The following HDAC4 variants were observed in gnomAD, a reference collection of about 807,000 sequenced individuals.
HDAC4 encodes the protein histone deacetylase 4.
In HDAC4, 16 loss-of-function variants were observed where a neutral mutation model predicts 135.1. The ratio of observed to expected loss-of-function variants is 0.12; its 90% CI spans 0.08 to 0.18. The LOEUF (loss-of-function observed/expected upper bound fraction) is 0.18. HDAC4 is among the 10% of genes least tolerant of loss of function. The probability of loss-of-function intolerance (pLI) is 1.00; values close to 1 mark genes in which losing one functional copy is unlikely to be tolerated. For missense variants in HDAC4, 1,143 were observed against 1,511.8 expected, an observed-to-expected ratio of 0.76 and a Z score of 4.05; for synonymous variants, 685 against 653.4, an observed-to-expected ratio of 1.05 and a Z score of -0.74.
chr2:239,204,263 G>A (rs373829119), intron 3 of HDAC4, among the ~76,000 whole-genome samples: 6 of 152,320 alleles, frequency 3.9e-5, no homozygotes, highest in South Asian at 4.1e-4. Context: ...ATAGACAGCC[G>A]ACCACAATGC....
At chr2:239,123,320 G>A (rs1445613312) in intron 12 of HDAC4, among the ~76,000 whole-genome samples, 1 of 151,918 alleles carries the variant, frequency 6.6e-6, no homozygotes, top group Non-Finnish European at 1.5e-5. Flanking sequence ...CCAATGAGGG[G>A]ATTTGCTGGG....
chr2:239,205,454 C>A (rs1488909657), intron 3 of HDAC4, among the ~76,000 whole-genome samples: 1 of 152,158 alleles, frequency 6.6e-6, no homozygotes, highest in Admixed American at 6.5e-5. Flanking sequence ...GCTAGAATCG[C>A]ATTCACAGGG....
chr2:239,156,547 G>A, intron 7 of HDAC4, 105 bp downstream of exon 7: 10 of 1,375,490 alleles, frequency 7.3e-6, no homozygotes, highest in Non-Finnish European at 8.3e-6. Context: ...ATCTGCAGGT[G>A]ATTCCTTCTC....
intron 1 of HDAC4, among the ~76,000 whole-genome samples, chr2:239,354,711 T>A (rs1278370253): frequency 1.3e-5 from 2 of 152,046 alleles, no homozygotes; most frequent in African/African-American, 4.8e-5. Context: ...CAACTCTGAT[T>A]AATATCTTCA....
chr2:239,401,076 G>A (rs2126150611), upstream of HDAC4: 1 of 152,048 alleles, frequency 6.6e-6, no homozygotes, highest in African/African-American at 2.4e-5. Context: ...CAGCCAGCCG[G>A]CGGCTCGCCA....
chr2:239,401,463 G>C (rs1028281122), upstream of HDAC4: 2 of 164,406 alleles, frequency 1.2e-5, no homozygotes, highest in Non-Finnish European at 2.6e-5. Context: ...CAGGGACCGG[G>C]GGCCAGTAGT....
rs1296330303 is a variant in HDAC4 at position 239,087,617 on chromosome 2, G to A, written c.2389-3C>T. On this transcript the variant is annotated splice_polypyrimidine_tract_variant and splice_region_variant and intron_variant, in intron 18 of 26. Coordinates refer to ENST00000543185, the MANE Select transcript of HDAC4 (RefSeq NM_001378414.1). Reference sequence around the variant, plus strand: ...GGGCGGACCACAGCAAAGCCATTCTGCAGGTGACACCAGACAGCCAGGAGA... The same window carrying A: ...GGGCGGACCACAGCAAAGCCATTCTACAGGTGACACCAGACAGCCAGGAGA... The A allele has an allele frequency of 1.2e-6, 2 of 1,613,594 alleles. No individual in the cohort carries two copies. Among genetic ancestry groups the A allele is most frequent in the African/African-American group, 2.7e-5 (2 of 74,958 alleles).
intron 8 of HDAC4, chr2:239,140,737 C>T (rs893525039): frequency 3.7e-4 from 106 of 283,576 alleles, no homozygotes; most frequent in African/African-American, 2.2e-3. Context: ...GGTGGGGGCC[C>T]TGGAGGGGAG....
intron 24 of HDAC4, among the ~76,000 whole-genome samples, chr2:239,057,017 C>T (rs1004833711): frequency 2.6e-5 from 4 of 152,182 alleles, no homozygotes; most frequent in East Asian, 1.9e-4. Context: ...TGATCCTGGA[C>T]GGGACCCTAA....
At chr2:239,253,819 A>G (rs1200337374) in intron 2 of HDAC4, among the ~76,000 whole-genome samples, 1 of 152,180 alleles carries the variant, frequency 6.6e-6, no homozygotes, top group Non-Finnish European at 1.5e-5. Context: ...AAGAGTCATC[A>G]GAACTGGAGA....
At position 239,146,543 on chromosome 2, in the gene HDAC4, T is replaced by C. The variant is rs2041774318; in HGVS notation, c.734-1829A>G. Among the ~76,000 whole-genome samples the C allele has an allele frequency of 6.6e-6, 1 of 152,160 alleles. No individual in the cohort carries two copies. The highest frequency in any genetic ancestry group is 2.4e-5 in the African/African-American group (1 of 41,452). ...GACTGGCTGTGGTACTGCAGCCCAG[T>C]GCACCGCCTCCCCCAGGCCCTGTGG... On this transcript the variant is annotated intron_variant, in intron 7 of 26. Transcript: ENST00000543185. The surrounding 1 kb of genome is among the most constrained non-coding windows in gnomAD (Gnocchi z 4.5).
At chr2:239,186,482 A>G (rs1178850967) in intron 4 of HDAC4, 2 of 152,274 alleles carry the variant, frequency 1.3e-5, no homozygotes, top group Non-Finnish European at 2.9e-5. Context: ...CTCTATTTTA[A>G]TGAAGAAATA....
intron 2 of HDAC4, among the ~76,000 whole-genome samples, chr2:239,317,367 G>A (rs548718050): frequency 1.3e-5 from 2 of 152,052 alleles, no homozygotes; most frequent in Non-Finnish European, 2.9e-5. Context: ...CAGCTCTGGC[G>A]GCCGAGAGCT....
intron 2 of HDAC4, among the ~76,000 whole-genome samples, chr2:239,304,507 G>A (rs567290831): frequency 7.2e-5 from 11 of 152,300 alleles, no homozygotes; most frequent in African/African-American, 2.4e-4. Flanking sequence ...GACATGAAAC[G>A]TCCTGAAAGC....
chr2:239,184,019 GACACAC>G (rs147289954), intron 4 of HDAC4, among the ~76,000 whole-genome samples: 1 of 123,982 alleles, frequency 8.1e-6, no homozygotes, highest in Non-Finnish European at 1.6e-5. Flanking sequence ...AAGTCACATG[GACACAC>G]ACACACACAC....
At chr2:239,328,904 A>C (rs1239443210) in intron 2 of HDAC4, among the ~76,000 whole-genome samples, 7 of 152,264 alleles carry the variant, frequency 4.6e-5, no homozygotes. Context: ...TACTGACGCA[A>C]GAGCTCCCCG....
intron 2 of HDAC4, among the ~76,000 whole-genome samples, chr2:239,350,383 G>A (rs1028585527): frequency 3.3e-5 from 5 of 151,486 alleles, no homozygotes; most frequent in African/African-American, 1.2e-4. Flanking sequence ...AAATCGAGCA[G>A]ACAGAAAAAA....
chr2:239,069,998 G>C (rs62189536), intron 22 of HDAC4, among the ~76,000 whole-genome samples: 2 of 111,932 alleles, frequency 1.8e-5, no homozygotes, highest in Admixed American at 2.4e-4. Context: ...GCCCTGTCCC[G>C]TCCTCTCTGT....
intron 6 of HDAC4, among the ~76,000 whole-genome samples, chr2:239,158,196 C>G (rs1277690596): frequency 6.6e-6 from 1 of 152,188 alleles, no homozygotes; most frequent in Non-Finnish European, 1.5e-5. Flanking sequence ...GGGCAACACT[C>G]TTTCTCTACC....
Sources: gnomAD v4.1 joint callset for allele counts (sites outside exome capture counted in the v4.1 genomes callset) on GRCh38, gnomAD v4.1.1 for gene constraint, Gnocchi (gnomAD v3.1) non-coding constraint, MANE v1.5 for transcripts, NCBI Gene and HGNC (gene_info 2026-07-23, HGNC 2026-07-21) for gene names.